GRID2: variants seen among roughly 807,000 people sequenced by gnomAD.
GRID2 encodes glutamate receptor ionotropic, delta-2.
In GRID2, 33 loss-of-function variants were observed where a neutral mutation model predicts 114.8. That is an observed-to-expected ratio of 0.29 (90% CI 0.22 to 0.38). GRID2 has a LOEUF of 0.38. GRID2 is among the 10% of genes least tolerant of loss of function. GRID2 has a pLI of 1.00. For missense variants in GRID2, 1,184 were observed against 1,257.7 expected (o/e 0.94, Z 0.89); for synonymous variants, 505 against 449.9 (o/e 1.12, Z -1.55).
At chr4:92,687,920 C>A (rs914692207) in intron 2 of GRID2, among the ~76,000 whole-genome samples, 1 of 151,070 alleles carries the variant, frequency 6.6e-6, no homozygotes, top group Admixed American at 6.6e-5. Context: ...GGTCATGCCT[C>A]GATGTTGATG....
intron 2 of GRID2, among the ~76,000 whole-genome samples, chr4:93,068,159 T>A (rs1484853018): frequency 6.6e-6 from 1 of 152,110 alleles, no homozygotes; most frequent in African/African-American, 2.4e-5. Context: ...TATGCTAAGC[T>A]ATACTTTAGA....
At chr4:92,475,675 T>A (rs1338998140) in intron 1 of GRID2, among the ~76,000 whole-genome samples, 4 of 152,040 alleles carry the variant, frequency 2.6e-5, no homozygotes, top group Non-Finnish European at 1.5e-5. Context: ...GGTTCTGTAA[T>A]GAATTTTAGG....
At chr4:92,713,203 A>G (rs79243722) in intron 2 of GRID2, among the ~76,000 whole-genome samples, 2,956 of 151,208 alleles carry the variant, frequency 0.02, 102 homozygotes, top group African/African-American at 0.068. Flanking sequence ...GAATTGAACA[A>G]TGACTTGACT....
chr4:93,404,241 T>C (rs1055786657), intron 9 of GRID2, among the ~76,000 whole-genome samples: 21 of 152,030 alleles, frequency 1.4e-4, no homozygotes, highest in African/African-American at 4.8e-4. Context: ...GTTTTGGAGA[T>C]TGGCAGATGA....
intron 2 of GRID2, among the ~76,000 whole-genome samples, chr4:92,704,011 C>T (rs1158430096): frequency 2.0e-5 from 3 of 152,160 alleles, no homozygotes; most frequent in Non-Finnish European, 4.4e-5. Flanking sequence ...CGCAGTTGCT[C>T]ACGCCTGTGA....
At chr4:92,690,636 C>T (rs866462517) in intron 2 of GRID2, among the ~76,000 whole-genome samples, 6 of 152,118 alleles carry the variant, frequency 3.9e-5, no homozygotes, top group Non-Finnish European at 5.9e-5. Flanking sequence ...CCGTGGCATG[C>T]AATAAAGCAA....
At chr4:92,340,236 A>G (rs980427287) in intron 1 of GRID2, among the ~76,000 whole-genome samples, 3 of 152,102 alleles carry the variant, frequency 2.0e-5, no homozygotes, top group Admixed American at 1.3e-4. Context: ...TCTCCCATAT[A>G]CTTGTACAAT....
At chr4:93,384,074 G>T (rs544651766) in intron 8 of GRID2, among the ~76,000 whole-genome samples, 1 of 152,124 alleles carries the variant, frequency 6.6e-6, no homozygotes, top group Non-Finnish European at 1.5e-5. Context: ...CCTGGTGAAG[G>T]CTTGCTCTCT....
intron 4 of GRID2, among the ~76,000 whole-genome samples, chr4:93,164,122 A>C (rs996684155): frequency 3.3e-5 from 5 of 151,868 alleles, no homozygotes; most frequent in African/African-American, 1.2e-4. Context: ...TGGCTAGATG[A>C]GAGATGTGTG....
exon 2 of GRID2, chr4:93,808,236 A>G (rs1264075361): frequency 6.6e-6 from 1 of 152,192 alleles, no homozygotes; most frequent in East Asian, 1.9e-4. Context: ...TCAGGCTATA[A>G]AGTCAAAAGA....
rs142360271 is a variant in GRID2, at chr4:93,484,082, C to A, written c.1859-6557C>A. Among the ~76,000 whole-genome samples the A allele has an allele frequency of 2.5e-3, 386 of 151,798 alleles. 1 individual carries two copies. Among genetic ancestry groups the A allele is most frequent in the African/African-American group, 8.6e-3 (358 of 41,432 alleles). ...AAATATCATTATTAAATTCACTATT[C>A]TCTCTCCTTATTTTCTTCTTTTATT... On this transcript the variant is annotated intron_variant, in intron 11 of 15. Transcript: ENST00000282020.
chr4:93,792,654 CA>C (rs1283253510), intron 1 of GRID2, among the ~76,000 whole-genome samples: 1 of 152,100 alleles, frequency 6.6e-6, no homozygotes, highest in Non-Finnish European at 1.5e-5. Context: ...CAGGATAACA[CA>C]AATCAATGCA....
intron 10 of GRID2, among the ~76,000 whole-genome samples, chr4:93,452,396 G>GA (rs1238861337): frequency 2.0e-5 from 3 of 152,236 alleles, no homozygotes; most frequent in East Asian, 1.9e-4. Flanking sequence ...AAAATGGAGA[G>GA]AAAATGTGGT....
At chr4:93,507,996 C>T (rs1010920947) in intron 12 of GRID2, among the ~76,000 whole-genome samples, 17 of 151,590 alleles carry the variant, frequency 1.1e-4, no homozygotes, top group African/African-American at 1.7e-4. Flanking sequence ...CATCACACAC[C>T]GGAGACTGCT....
intron 1 of GRID2, among the ~76,000 whole-genome samples, chr4:92,497,179 T>C (rs1395595101): frequency 6.6e-6 from 1 of 151,874 alleles, no homozygotes. Flanking sequence ...TTCACTTTAA[T>C]GCTTCAAAAT....
At chr4:92,335,272 C>T (rs972408086) in intron 1 of GRID2, among the ~76,000 whole-genome samples, 2 of 152,064 alleles carry the variant, frequency 1.3e-5, no homozygotes, top group African/African-American at 4.8e-5. Context: ...GGTTGGAATC[C>T]CAATCCTTTT....
chr4:93,299,010 CA>C (rs1174419778), intron 8 of GRID2, among the ~76,000 whole-genome samples: 1 of 151,876 alleles, frequency 6.6e-6, no homozygotes, highest in Non-Finnish European at 1.5e-5. Context: ...AAACTTTTGT[CA>C]AAGAGAAAAA....
At chr4:93,143,263 A>C (rs1173773168) in intron 4 of GRID2, among the ~76,000 whole-genome samples, 1 of 152,222 alleles carries the variant, frequency 6.6e-6, no homozygotes, top group African/African-American at 2.4e-5. Flanking sequence ...TACTTAGATT[A>C]AATTATTTTG....
intron 2 of GRID2, among the ~76,000 whole-genome samples, chr4:92,617,119 A>G (rs1351162912): frequency 6.6e-6 from 1 of 151,396 alleles, no homozygotes; most frequent in Non-Finnish European, 1.5e-5. Flanking sequence ...TTCAAACTAT[A>G]TATATCCTAC....
Sources: gnomAD v4.1 joint callset for allele counts (sites outside exome capture counted in the v4.1 genomes callset) on GRCh38, gnomAD v4.1.1 for gene constraint, MANE v1.5 for transcripts, NCBI Gene and HGNC (gene_info 2026-07-23, HGNC 2026-07-21) for gene names.